Variants in SLC11A2 observed in about 807,000 individuals in gnomAD.
SLC11A2 encodes the protein natural resistance-associated macrophage protein 2.
In SLC11A2, 38 loss-of-function variants were observed where a neutral mutation model predicts 68.0. The observed-to-expected ratio is 0.56, with a 90% CI of 0.43 to 0.73. The LOEUF is 0.73. Ranked by LOEUF, SLC11A2 falls within the 30% of genes least tolerant of loss-of-function variation. The pLI, the probability that SLC11A2 is intolerant of heterozygous loss-of-function variation, is 0.00. For missense variants in SLC11A2, 517 were observed against 690.5 expected, an observed-to-expected ratio of 0.75 and a Z score of 2.82; for synonymous variants, 242 against 250.6, an observed-to-expected ratio of 0.97 and a Z score of 0.32.
chr12:51,008,630 T>G lies in SLC11A2; in HGVS notation c.35-6A>C, dbSNP rs775881279. The G allele has an allele frequency of 2.2e-5, 35 of 1,608,902 alleles. No homozygotes were observed. The highest frequency in any genetic ancestry group is 3.0e-5 in the Non-Finnish European group (35 of 1,175,328). ...ATGATCTCCAGAAACACTGTCTGAA[T>G]TAACAGATTTGAAAATAAATTAGTA... is the stretch of plus-strand genomic sequence containing the variant. On this transcript the variant is annotated splice_region_variant and splice_polypyrimidine_tract_variant and intron_variant, in intron 2 of 15. Transcript: ENST00000262052.
chr12:50,969,615 C>T, the SLC11A2 span, among the ~76,000 whole-genome samples: 2 of 151,450 alleles, frequency 1.3e-5, no homozygotes, highest in African/African-American at 4.8e-5. Context: ...AGGAGAATCG[C>T]TTGAACCTGG....
At chr12:51,004,929 G>A in intron 4 of SLC11A2, 22 bp from the exon 5 acceptor site, 1 of 1,613,402 alleles carries the variant, frequency 6.2e-7, no homozygotes, top group Non-Finnish European at 8.5e-7. Flanking sequence ...AAAATCTCCT[G>A]TAACACTCAT....
At chr12:51,003,308 C>CT (rs1268441122) in intron 5 of SLC11A2, among the ~76,000 whole-genome samples, 1 of 151,270 alleles carries the variant, frequency 6.6e-6, no homozygotes. Flanking sequence ...GAGGCGAAGG[C>CT]TGGCAGATCA....
chr12:50,958,467 G>C, the SLC11A2 span, among the ~76,000 whole-genome samples: 2 of 151,118 alleles, frequency 1.3e-5, no homozygotes, highest in African/African-American at 4.9e-5. Context: ...ATTTTTAGTA[G>C]AGATGGGGTT....
At chr12:50,985,037 C>T (rs1940415416), downstream of SLC11A2, among the ~76,000 whole-genome samples, 1 of 152,152 alleles carries the variant, frequency 6.6e-6, no homozygotes, top group Non-Finnish European at 1.5e-5. Flanking sequence ...TTCCAGTTGA[C>T]TCATCTACAT....
At chr12:51,026,203 C>T in intron 1 of SLC11A2, 107 bp downstream of exon 1, 2 of 1,193,572 alleles carry the variant, frequency 1.7e-6, no homozygotes. Flanking sequence ...GCCGGTGTCG[C>T]ATCCTAGCCC....
At chr12:51,026,027 G>A in intron 1 of SLC11A2, 1 of 1,054,546 alleles carries the variant, frequency 9.5e-7, no homozygotes, top group Non-Finnish European at 1.1e-6. Flanking sequence ...GCTGGGCCAT[G>A]TGTCCTAGGC....
At chr12:51,000,626 G>A in intron 5 of SLC11A2, 2 of 601,342 alleles carry the variant, frequency 3.3e-6, no homozygotes, top group South Asian at 2.0e-5. Context: ...GCTACCACGT[G>A]GCAGAACCTG....
rs1007903841 is a variant in SLC11A2 at position 50,986,037 on chromosome 12, G to A, written c.*2288C>T. Reference sequence around the variant, plus strand: ...TTAATTAGAAACCAAGTTTACATACGGTTAAATGGTTACTAAAAGCTCAGT... The same window carrying A: ...TTAATTAGAAACCAAGTTTACATACAGTTAAATGGTTACTAAAAGCTCAGT... On this transcript the variant is annotated 3_prime_UTR_variant, in exon 16 of 16. Transcript: ENST00000262052. 2.5e-6 allele frequency: 3 copies of A among 1,182,364 alleles called. No individual in the cohort carries two copies. Among genetic ancestry groups the A allele is most frequent in the South Asian group, 3.2e-5 (2 of 62,238 alleles). The allele number at this position is 1,182,364 out of a possible 1,614,324, so 73.2% of individuals were successfully genotyped here.
intron 5 of SLC11A2, among the ~76,000 whole-genome samples, chr12:51,002,498 G>C (rs765402671): frequency 1.9e-4 from 29 of 151,800 alleles, no homozygotes; most frequent in Non-Finnish European, 3.7e-4. Flanking sequence ...AATTAGCTGG[G>C]TGTGGTGGTG....
chr12:51,005,285 G>T, intron 4 of SLC11A2, 26 bp downstream of exon 4: 1 of 1,612,892 alleles, frequency 6.2e-7, no homozygotes, highest in South Asian at 1.1e-5. Flanking sequence ...GTGCTTAAAA[G>T]GACAGGGGTA....
At chr12:51,008,227 T>C (rs1592392655) in intron 3 of SLC11A2, 28 of 280,430 alleles carry the variant, frequency 1.0e-4, no homozygotes, top group South Asian at 1.6e-4. Context: ...GATAGACAGA[T>C]AGATAGATAG....
At chr12:51,010,554 C>A in intron 2 of SLC11A2, 141 bp downstream of exon 2, 2 of 554,516 alleles carry the variant, frequency 3.6e-6, no homozygotes, top group Non-Finnish European at 6.7e-6. Flanking sequence ...CAGCCTAAGT[C>A]ACCAGATGGT....
intron 5 of SLC11A2, among the ~76,000 whole-genome samples, chr12:51,004,110 G>A (rs1942513096): frequency 6.6e-6 from 1 of 152,146 alleles, no homozygotes; most frequent in Non-Finnish European, 1.5e-5. Flanking sequence ...AGTAAATGGG[G>A]ATATTATCAA....
chr12:51,004,959 CTGTT>C (rs934496327), intron 4 of SLC11A2, 52 bp from the exon 5 acceptor site: 24 of 1,606,152 alleles, frequency 1.5e-5, no homozygotes, highest in Admixed American at 5.1e-5. Flanking sequence ...GAGTTTTTGT[CTGTT>C]TGTTTGTTTA....
chr12:51,004,951 G>A (rs750970905), intron 4 of SLC11A2, 44 bp from the exon 5 acceptor site: 15 of 1,608,836 alleles, frequency 9.3e-6, no homozygotes, highest in Admixed American at 3.4e-5. Context: ...GAACAACTGA[G>A]TTTTTGTCTG....
upstream of SLC11A2, among the ~76,000 whole-genome samples, chr12:51,027,917 T>TGG (rs3840801): frequency 0.022 from 401 of 18,226 alleles, 3 homozygotes; most frequent in Middle Eastern, 0.043. Context: ...CAAAAAAAAG[T>TGG]GGGGGGGGGG....
At chr12:50,997,174 A>T (rs161045) in intron 8 of SLC11A2, among the ~76,000 whole-genome samples, 138,414 of 152,104 alleles carry the variant, frequency 0.91, 63,266 homozygotes, top group East Asian at 0.98. Flanking sequence ...ATCTCCCAAG[A>T]ACAAGCAATC....
At chr12:51,019,208 C>T (rs1943873885) in intron 1 of SLC11A2, among the ~76,000 whole-genome samples, 1 of 152,190 alleles carries the variant, frequency 6.6e-6, no homozygotes, top group East Asian at 1.9e-4. Context: ...CAGATCAAGG[C>T]TTAGCGACAC....
Sources: gnomAD v4.1 joint callset for allele counts (sites outside exome capture counted in the v4.1 genomes callset) on GRCh38, gnomAD v4.1.1 for gene constraint, MANE v1.5 for transcripts, NCBI Gene and HGNC (gene_info 2026-07-23, HGNC 2026-07-21) for gene names.